The following HIPK2 variants were observed in gnomAD, a reference collection of about 807,000 sequenced individuals.
HIPK2 encodes the protein homeodomain interacting protein kinase 2.
A neutral mutation model predicts 113.7 loss-of-function variants in HIPK2; 27 were observed. That is an observed-to-expected ratio of 0.24 (90% CI 0.17 to 0.33). HIPK2 has a LOEUF of 0.33. Among genes scored for constraint, HIPK2 ranks in the 10% least tolerant of loss-of-function variants. The pLI is 1.00. For missense variants in HIPK2, 1,257 were observed against 1,588.0 expected (o/e 0.79, Z 3.54); for synonymous variants, 631 against 642.2 (o/e 0.98, Z 0.26).
rs751219925 is a variant in HIPK2, at chr7:139,613,213, G to A, written c.2101C>T (p.Leu701=). 6.2e-7 allele frequency: 1 copy of A among 1,613,826 alleles called. No homozygotes were observed. Among genetic ancestry groups the A allele is most frequent in the East Asian group, 2.2e-5 (1 of 44,874 alleles). Residue 701 remains leucine, a synonymous_variant, in exon 9 of 15, where the codon CTG becomes TTG. Coordinates refer to ENST00000406875, the MANE Select transcript of HIPK2 (RefSeq NM_022740.5). The surrounding 1 kb of genome is among the most constrained non-coding windows in gnomAD (Gnocchi z 4.2). ...GAQPLQIQPG[L]LAQQAWPSGT... ...GGAGAAAGAATTACCTGGGCAAGCA[G>A]ACCTGGTTGGATCTGAAGAGGCTGA...
At chr7:139,640,950 G>A (rs1246223490) in intron 2 of HIPK2, among the ~76,000 whole-genome samples, 2 of 152,080 alleles carry the variant, frequency 1.3e-5, no homozygotes, top group Non-Finnish European at 2.9e-5. Context: ...TTTCTGATAT[G>A]GAACACTCTG....
Position 139,650,145 on chromosome 7 carries a change from A to G in HIPK2, c.1104-18420T>C, listed in dbSNP as rs997124991. ...CAGGCAGATCACCTGAGGTCAGGAG[A>G]TCAAGACCAGCCTGGCCAACATGGT... On this transcript the variant is annotated intron_variant, in intron 2 of 14. Transcript: ENST00000406875. 6.6e-5 allele frequency among the ~76,000 whole-genome samples: 10 copies of G among 152,114 alleles called. No homozygotes were observed. In the East Asian group the frequency reaches 1.9e-3, roughly 30 times the overall value.
chr7:139,637,340 G>T (rs992481237), intron 2 of HIPK2, among the ~76,000 whole-genome samples: 2 of 152,210 alleles, frequency 1.3e-5, no homozygotes, highest in African/African-American at 4.8e-5. Flanking sequence ...CCACGATTGG[G>T]ACCCTGCCCA....
rs7795471 is a variant in HIPK2 at position 139,776,130 on chromosome 7, C to T, written c.19+1475G>A. On this transcript the variant is annotated intron_variant, in intron 1 of 14. Transcript: ENST00000406875. ...TTCTCCCGCATGTTCACATGTCCAC[C>T]GGCATGTTCTATTCTGCGTGGTGGA... Among the ~76,000 whole-genome samples the T allele has an allele frequency of 2.7e-3, 404 of 152,288 alleles. 1 individual carries two copies. Among genetic ancestry groups the T allele is most frequent in the African/African-American group, 9.4e-3 (390 of 41,554 alleles).
intron 2 of HIPK2, among the ~76,000 whole-genome samples, chr7:139,656,282 T>C (rs138826051): frequency 1.2e-4 from 19 of 152,328 alleles, no homozygotes; most frequent in South Asian, 1.0e-3. Context: ...GAAGTCATCA[T>C]GTCCCTCCAC....
chr7:139,624,171 C>T (rs954913650), intron 6 of HIPK2, among the ~76,000 whole-genome samples: 1 of 152,052 alleles, frequency 6.6e-6, no homozygotes, highest in Non-Finnish European at 1.5e-5. Flanking sequence ...TACAGAAGTG[C>T]GGCCACCACG....
Position 139,681,554 on chromosome 7 carries a change from C to T in HIPK2, c.1103+34378G>A, listed in dbSNP as rs372243396. Among the ~76,000 whole-genome samples the T allele has an allele frequency of 9.2e-5, 14 of 152,240 alleles. No individual in the cohort carries two copies. The East Asian group carries it at 2.3e-3, about 25-fold the overall frequency. Reference sequence around the variant, plus strand: ...GCCTCCTCCCGCTCAGTGTGGGTGTCAAGAGGTGACCACAAAAGAGGCTGC... The same window carrying T: ...GCCTCCTCCCGCTCAGTGTGGGTGTTAAGAGGTGACCACAAAAGAGGCTGC... On this transcript the variant is annotated intron_variant, in intron 2 of 14. Transcript: ENST00000406875.
chr7:139,753,978 G>A (rs1240897354), intron 1 of HIPK2, among the ~76,000 whole-genome samples: 2 of 152,236 alleles, frequency 1.3e-5, no homozygotes, highest in Non-Finnish European at 2.9e-5. Flanking sequence ...AGAGCAGGAG[G>A]GCAGCAGCCC....
chr7:139,587,488 C>CAAAAAAAA (rs1213368741), intron 12 of HIPK2, among the ~76,000 whole-genome samples: 20 of 43,968 alleles, frequency 4.5e-4, no homozygotes, highest in East Asian at 1.0e-3. Context: ...GACTGTGTCT[C>CAAAAAAAA]AAAAAAAAAA....
intron 2 of HIPK2, among the ~76,000 whole-genome samples, chr7:139,664,658 C>T (rs12668171): frequency 0.16 from 24,081 of 152,184 alleles, 2,281 homozygotes; most frequent in East Asian, 0.41. Context: ...GGGCCACCTC[C>T]GCTGGTCTCT....
In HIPK2 at chr7:139,572,072, G is replaced by A. The variant is rs1798301007; in HGVS notation, c.*855C>T. The A allele has an allele frequency of 6.6e-6, 1 of 152,360 alleles. No individual in the cohort carries two copies. Among genetic ancestry groups the A allele is most frequent in the East Asian group, 1.9e-4 (1 of 5,184 alleles). The allele number at this position is 152,360 out of a possible 1,614,324, so 9.4% of individuals were successfully genotyped here. A position where few individuals can be genotyped will look rare whatever the true frequency, so the allele number is the denominator to read the frequency against. On this transcript the variant is annotated 3_prime_UTR_variant, in exon 15 of 15. Coordinates refer to ENST00000406875, the MANE Select transcript of HIPK2 (RefSeq NM_022740.5). ...TGTCTGTGACGACCGCTAGCCCTAC[G>A]CTACGCGACTAGGGGTGGATTCAAA...
At chr7:139,727,443 C>T (rs764884558) in intron 1 of HIPK2, among the ~76,000 whole-genome samples, 1 of 152,176 alleles carries the variant, frequency 6.6e-6, no homozygotes, top group Non-Finnish European at 1.5e-5. Context: ...CTCTTAAGAA[C>T]GTTCAAAATC....
intron 2 of HIPK2, among the ~76,000 whole-genome samples, chr7:139,696,581 T>TG (rs1794574527): frequency 1.6e-4 from 2 of 12,804 alleles, no homozygotes; most frequent in Non-Finnish European, 2.4e-4. Context: ...AGACCCTGCC[T>TG]CAAAAAAAAA....
intron 2 of HIPK2, among the ~76,000 whole-genome samples, chr7:139,653,081 G>C (rs1801520409): frequency 8.8e-6 from 1 of 113,544 alleles, no homozygotes; most frequent in Non-Finnish European, 1.8e-5. Flanking sequence ...TGAGGTTGCA[G>C]TGAGCCGAGA....
chr7:139,703,412 A>G (rs1300659528), intron 2 of HIPK2, among the ~76,000 whole-genome samples: 1 of 152,206 alleles, frequency 6.6e-6, no homozygotes, highest in East Asian at 1.9e-4. Context: ...TTATTTGCCA[A>G]TGTAAGTTCT....
chr7:139,590,943 G>A (rs188589596), intron 12 of HIPK2, among the ~76,000 whole-genome samples: 1 of 152,284 alleles, frequency 6.6e-6, no homozygotes, highest in Non-Finnish European at 1.5e-5. Context: ...CTCCTGGGCG[G>A]AAGCAATCCT....
In HIPK2 at chr7:139,569,105, G is replaced by C. The variant is rs1457924946; in HGVS notation, c.*3822C>G. ...GGGTGCAGCCTGTGATGCCTGAGCA[G>C]CCGCCCAGCTTTGTTCAGGGTTTCT... On this transcript the variant is annotated 3_prime_UTR_variant, in exon 15 of 15. Coordinates refer to ENST00000406875, the MANE Select transcript of HIPK2 (RefSeq NM_022740.5). The C allele has an allele frequency of 6.5e-6, 1 of 152,900 alleles. No individual in the cohort carries two copies. The highest frequency in any genetic ancestry group is 1.9e-4 in the East Asian group (1 of 5,204). 9.5% of individuals were successfully genotyped at this position (152,900 alleles called of 1,614,324 possible).
intron 9 of HIPK2, among the ~76,000 whole-genome samples, chr7:139,609,095 A>T (rs990956712): frequency 1.3e-5 from 2 of 152,248 alleles, no homozygotes; most frequent in Non-Finnish European, 2.9e-5. Flanking sequence ...CAAGTCAGAT[A>T]AATTCAATAC....
At chr7:139,720,848 C>T (rs879790746) in intron 1 of HIPK2, among the ~76,000 whole-genome samples, 10 of 152,122 alleles carry the variant, frequency 6.6e-5, no homozygotes, top group Non-Finnish European at 1.0e-4. Flanking sequence ...AGGTGAGGTG[C>T]TAGTCTCTGT....
Sources: allele counts gnomAD v4.1 joint callset (sites outside exome capture counted in the v4.1 genomes callset), GRCh38; gene constraint gnomAD v4.1.1; non-coding constraint Gnocchi (gnomAD v3.1); transcripts MANE v1.5; gene names NCBI Gene and HGNC (gene_info 2026-07-23, HGNC 2026-07-21).